The following TESMIN variants were observed in gnomAD, a reference collection of about 807,000 sequenced individuals.
TESMIN encodes the protein testis expressed metallothionein like protein.
In TESMIN, 34 loss-of-function variants were observed where a neutral mutation model predicts 47.4. That is an observed-to-expected ratio of 0.72 (90% CI 0.55 to 0.96). The LOEUF is 0.96. TESMIN is among the 40% of genes least tolerant of loss of function. The pLI is 0.00. For synonymous variants in TESMIN, 278 were observed against 258.9 expected, an observed-to-expected ratio of 1.07 and a Z score of -0.71; for missense variants, 610 against 637.2, an observed-to-expected ratio of 0.96 and a Z score of 0.46.
At chr11:68,728,649 G>A (rs1326646597) in intron 6 of TESMIN, among the ~76,000 whole-genome samples, 1 of 152,240 alleles carries the variant, frequency 6.6e-6, no homozygotes, top group African/African-American at 2.4e-5. Context: ...AGAAGTCAAT[G>A]CCTGGCTTCA....
At chr11:68,736,945 C>T (rs1226035008) in intron 6 of TESMIN, 2 of 985,164 alleles carry the variant, frequency 2.0e-6, no homozygotes, top group Non-Finnish European at 2.4e-6. Flanking sequence ...ACATAGAAGC[C>T]TCAGAGGGTG....
At chr11:68,727,404 T>C (rs1946277756) in intron 6 of TESMIN, among the ~76,000 whole-genome samples, 1 of 151,902 alleles carries the variant, frequency 6.6e-6, no homozygotes. Flanking sequence ...CACACCACTG[T>C]ACTCCAGCCT....
chr11:68,732,440 G>T (rs1399237355), intron 6 of TESMIN: 2 of 152,574 alleles, frequency 1.3e-5, no homozygotes, highest in African/African-American at 4.8e-5. Context: ...AGGCTTCATG[G>T]TCATTTGACC....
intron 2 of TESMIN, 26 bp downstream of exon 2, chr11:68,750,164 G>A: frequency 6.9e-7 from 1 of 1,439,020 alleles, no homozygotes. Context: ...AGGGGGAGCT[G>A]TGCCCATTCC....
intron 6 of TESMIN, among the ~76,000 whole-genome samples, chr11:68,726,760 AG>A (rs1383148676): frequency 2.0e-5 from 3 of 151,678 alleles, no homozygotes; most frequent in African/African-American, 7.3e-5. Flanking sequence ...ACAATATCAC[AG>A]ACTGTACAAT....
rs1460118648 is a variant in TESMIN, at chr11:68,750,571, C to T, written c.90G>A (p.Ser30=). The change falls in exon 2 of 10, where the codon TCG becomes TCA. Residue 30 remains serine, a synonymous_variant. Coordinates refer to ENST00000255087, the MANE Select transcript of TESMIN (RefSeq NM_004923.3). The part of the protein sequence containing the change: ...ELLSPEGPFA[S]ENIGLKAPVK... Reference sequence around the variant, plus strand: ...CGGGGGCCTTCAGGCCGATGTTCTCCGAAGCGAACGGACCCTCGGGGCTTA... The same window carrying T: ...CGGGGGCCTTCAGGCCGATGTTCTCTGAAGCGAACGGACCCTCGGGGCTTA... The T allele has an allele frequency of 2.5e-6, 4 of 1,607,502 alleles. No homozygotes were observed. Among genetic ancestry groups the T allele is most frequent in the African/African-American group, 1.3e-5 (1 of 74,558 alleles).
At chr11:68,716,019 A>T in intron 6 of TESMIN, 80 bp from the exon 7 acceptor site, 1 of 931,674 alleles carries the variant, frequency 1.1e-6, no homozygotes, top group Non-Finnish European at 1.7e-6. Flanking sequence ...ACGTGTAAGG[A>T]AAGAGCGGGC....
Position 68,742,369 on chromosome 11 carries a change from T to C in TESMIN, c.777A>G (p.Leu259=). ...TTGATGCTGGCAAAAATCTCCCTAC[T>C]AAAGCAGTCATTGGTTTAGGGACAT... ...QSDVPKPMTA[L]VGRFLPASTK... Residue 259 remains leucine (L), a synonymous_variant, in exon 5 of 10, where the codon TTA becomes TTG. Transcript: ENST00000255087. 6.2e-7 allele frequency: 1 copy of C among 1,602,144 alleles called. No homozygotes were observed. Among genetic ancestry groups the C allele is most frequent in the Non-Finnish European group, 8.5e-7 (1 of 1,171,452 alleles).
Position 68,715,781 on chromosome 11 carries a change from A to G in TESMIN, c.1020+56T>C, listed in dbSNP as rs1238099138. 1.6e-5 allele frequency: 21 copies of G among 1,276,052 alleles called. No individual in the cohort carries two copies. The Admixed American group carries it at 2.7e-4, about 16-fold the overall frequency. The allele number at this position is 1,276,052 out of a possible 1,614,324, so 79.0% of individuals were successfully genotyped here. On this transcript the variant is annotated intron_variant, in intron 7 of 9. Coordinates refer to ENST00000255087, the MANE Select transcript of TESMIN (RefSeq NM_004923.3). Reference sequence around the variant, plus strand: ...AATCTCTGAAGGTGATTTTATGAACATCTCAAACAGTTTGAAATGCTTTTA... The same window carrying G: ...AATCTCTGAAGGTGATTTTATGAACGTCTCAAACAGTTTGAAATGCTTTTA...
rs909511646 is a variant in TESMIN at position 68,736,537 on chromosome 11, A to G, written c.917+2163T>C. On this transcript the variant is annotated intron_variant, in intron 6 of 9. Coordinates refer to ENST00000255087, the MANE Select transcript of TESMIN (RefSeq NM_004923.3). ...CCAAAAATAAATTGGTAGAGATTCC[A>G]GTATATCATCAGTATTGCAGATGTC... The G allele has an allele frequency of 1.5e-5, 15 of 985,354 alleles. No homozygotes were observed. In the African/African-American group the frequency reaches 2.6e-4, roughly 17 times the overall value. The allele number at this position is 985,354 out of a possible 1,614,324, so 61.0% of individuals were successfully genotyped here.
At chr11:68,737,491 A>T in intron 6 of TESMIN, 1 of 985,710 alleles carries the variant, frequency 1.0e-6, no homozygotes. Flanking sequence ...CAAGGCCATC[A>T]CGAAGCCATG....
At chr11:68,727,764 A>T (rs2153991473) in intron 6 of TESMIN, among the ~76,000 whole-genome samples, 1 of 152,270 alleles carries the variant, frequency 6.6e-6, no homozygotes, top group South Asian at 2.1e-4. Flanking sequence ...ATGTCTCTTT[A>T]TCATATTCCT....
rs1470611663 is a variant in TESMIN at position 68,736,110 on chromosome 11, G to GA, written c.917+2589dup. ...CACAACAAGATAACCTCATCTTTAGGAAAAAAATTTCCAGAGAAGCGGACT... is the reference window on the plus strand; with the variant it reads ...CACAACAAGATAACCTCATCTTTAGGAAAAAAAATTTCCAGAGAAGCGGACT... On this transcript the variant is annotated intron_variant, in intron 6 of 9. Coordinates refer to ENST00000255087, the MANE Select transcript of TESMIN (RefSeq NM_004923.3). 4 of 985,136 alleles carry GA rather than the reference G, an allele frequency of 4.1e-6. No homozygotes were observed. In the East Asian group the frequency reaches 4.5e-4, roughly 112 times the overall value. The allele number at this position is 985,136 out of a possible 1,614,324, so 61.0% of individuals were successfully genotyped here.
chr11:68,750,139 T>G (rs189331129), intron 2 of TESMIN, 51 bp downstream of exon 2: 1 of 1,363,966 alleles, frequency 7.3e-7, no homozygotes, highest in Non-Finnish European at 9.6e-7. Context: ...CTCAGATGGG[T>G]TGGGGAAGGG....
intron 6 of TESMIN, among the ~76,000 whole-genome samples, chr11:68,724,150 C>T (rs1030731448): frequency 3.9e-5 from 6 of 152,040 alleles, no homozygotes; most frequent in African/African-American, 7.3e-5. Context: ...TCCTAAAGAG[C>T]GAAATCTTAC....
At chr11:68,744,238 G>A (rs78257550) in intron 4 of TESMIN, among the ~76,000 whole-genome samples, 43 of 152,294 alleles carry the variant, frequency 2.8e-4, no homozygotes, top group African/African-American at 1.0e-3. Context: ...CAAGTTATAG[G>A]CAAGGTCAGT....
chr11:68,714,132 C>G (rs950964327), intron 7 of TESMIN, among the ~76,000 whole-genome samples: 1 of 152,194 alleles, frequency 6.6e-6, no homozygotes, highest in Non-Finnish European at 1.5e-5. Flanking sequence ...AATTCAAATA[C>G]AGAGGTCACA....
chr11:68,748,910 A>G (rs765786791), intron 2 of TESMIN, among the ~76,000 whole-genome samples: 2 of 152,158 alleles, frequency 1.3e-5, no homozygotes, highest in Non-Finnish European at 2.9e-5. Flanking sequence ...ATCTCGGCTC[A>G]CTGCAGCCTT....
chr11:68,745,763 C>G (rs1384940298), intron 3 of TESMIN, among the ~76,000 whole-genome samples: 2 of 152,210 alleles, frequency 1.3e-5, no homozygotes, highest in Non-Finnish European at 2.9e-5. Flanking sequence ...GTCAGACCCC[C>G]CTTGGATACT....
Sources: allele counts gnomAD v4.1 joint callset (sites outside exome capture counted in the v4.1 genomes callset), GRCh38; gene constraint gnomAD v4.1.1; transcripts MANE v1.5; gene names NCBI Gene and HGNC (gene_info 2026-07-23, HGNC 2026-07-21).